The following NUDT17 variants were observed in gnomAD, a reference collection of about 807,000 sequenced individuals.
NUDT17 encodes m7GpppN-mRNA hydrolase NUDT17.
NUDT17 carries 38 observed loss-of-function variants against 38.6 expected under a neutral mutation model. The ratio of observed to expected loss-of-function variants is 0.98; its 90% CI spans 0.76 to 1.29. The LOEUF is 1.29. NUDT17 is among the 50% of genes most tolerant of loss of function. The probability of loss-of-function intolerance (pLI) is 0.00; values close to 1 mark genes in which losing one functional copy is unlikely to be tolerated. For synonymous variants in NUDT17, 192 were observed against 167.8 expected, an observed-to-expected ratio of 1.14 and a Z score of -1.11; for missense variants, 462 against 415.2, an observed-to-expected ratio of 1.11 and a Z score of -0.98.
At chr1:145,846,929 C>T (rs945191141) in intron 4 of NUDT17, among the ~76,000 whole-genome samples, 1 of 152,220 alleles carries the variant, frequency 6.6e-6, no homozygotes, top group Non-Finnish European at 1.5e-5. Flanking sequence ...CGGTGGCTCA[C>T]GCCTGTAATC....
At chr1:145,847,466 G>T in intron 5 of NUDT17, 117 bp from the exon 6 acceptor site, 1 of 1,461,242 alleles carries the variant, frequency 6.8e-7, no homozygotes, top group Non-Finnish European at 9.5e-7. Context: ...CGAAGAATAT[G>T]CAATGCCCTT....
In NUDT17 at chr1:145,848,220, T is replaced by G. The variant is rs1448931024; in HGVS notation, c.840T>G (p.Thr280=). 6.2e-7 allele frequency: 1 copy of G among 1,614,204 alleles called. No individual in the cohort carries two copies. The highest frequency in any genetic ancestry group is 2.2e-5 in the East Asian group (1 of 44,880). The change falls in exon 7 of 8, where the codon ACT becomes ACG. Residue 280 remains threonine (T), a synonymous_variant. Transcript: ENST00000334513. ...TMAEDKERVS[T]GTKFALKLWL... Reference sequence around the variant, plus strand: ...CAGAGGACAAAGAGAGAGTCAGCACTGGAACCAAGTTTGCCCTCAAGCTCT... The same window carrying G: ...CAGAGGACAAAGAGAGAGTCAGCACGGGAACCAAGTTTGCCCTCAAGCTCT...
chr1:145,847,396 C>T (rs1553732834), intron 5 of NUDT17, 48 bp downstream of exon 5: 1 of 1,003,046 alleles, frequency 1.0e-6, no homozygotes, highest in Non-Finnish European at 1.5e-6. Flanking sequence ...GGAGCCCAAG[C>T]AACCTGGTTC....
rs1188352424 is a variant in NUDT17 at position 145,847,680 on chromosome 1, C to T, written c.692C>T (p.Thr231Ile). 22 of 1,613,932 alleles carry T rather than the reference C, an allele frequency of 1.4e-5. No individual in the cohort carries two copies. The highest frequency in any genetic ancestry group is 1.9e-5 in the Non-Finnish European group (22 of 1,179,996). The stretch of plus-strand genomic sequence containing the variant: ...GCTGCCGCAGAGGATGGGACAGAGA[C>T]ACCCGGACTTCTCCCCCAGGACCTA... The part of the protein sequence containing the change: ...AVAAAEDGTE[T>I]PGLLPQDLPP... The change falls in exon 6 of 8, where the codon ACA becomes ATA. Residue 231 changes from threonine (T) to isoleucine (I), a missense_variant. Thr to Ile is a moderately conservative substitution (Grantham distance 89). Transcript: ENST00000334513.
chr1:145,848,298 T>C (rs781891350), intron 7 of NUDT17, 34 bp downstream of exon 7: 1 of 1,613,670 alleles, frequency 6.2e-7, no homozygotes, highest in Admixed American at 1.7e-5. Flanking sequence ...AGCTCCACAG[T>C]ACTGGGCTGG....
chr1:145,847,278 G>C lies in NUDT17; in HGVS notation c.524G>C (p.Gly175Ala). ...GCCTACCCTCCTAGGCTGAGCTGGG[G>C]TTTACCCAAATACCATCACATTGTT... The part of the protein sequence containing the change: ...ESAYPPRLSW[G>A]LPKYHHIVLY... Residue 175 changes from glycine (G) to alanine (A), a missense_variant, in exon 5 of 8, where the codon GGT becomes GCT. Transcript: ENST00000334513. 1 of 1,610,640 alleles carries C rather than the reference G, an allele frequency of 6.2e-7. No homozygotes were observed.
At position 145,848,123 on chromosome 1, in the gene NUDT17, T is replaced by C. The variant is rs1553733087; in HGVS notation, c.743T>C (p.Leu248Pro). ...TTGTCACCATGCAGTGCAGTGGAAC[T>C]AGAGGAGGATGGAAGAGCCCGACCT... ...DLPPSVLAVE[L>P]EEDGRARPLV... The change falls in exon 7 of 8, where the codon CTA (leucine) becomes CCA (proline). Residue 248 changes from leucine to proline, a missense_variant. Coordinates refer to ENST00000334513, the MANE Select transcript of NUDT17 (RefSeq NM_001012758.3). 5.0e-6 allele frequency: 8 copies of C among 1,613,608 alleles called. No homozygotes were observed. Among genetic ancestry groups the C allele is most frequent in the Non-Finnish European group, 6.8e-6 (8 of 1,179,938 alleles).
intron 2 of NUDT17, 48 bp downstream of exon 2, chr1:145,846,244 C>A: frequency 1.3e-6 from 2 of 1,535,644 alleles, no homozygotes; most frequent in Non-Finnish European, 1.8e-6. Flanking sequence ...GAAATTTGCC[C>A]TTTCCCCGCA....
In NUDT17 at chr1:145,848,412, A is replaced by G. The variant is rs1652818265; in HGVS notation, c.920A>G (p.Asp307Gly). The G allele has an allele frequency of 2.5e-6, 4 of 1,614,138 alleles. No individual in the cohort carries two copies. The highest frequency in any genetic ancestry group is 2.5e-6 in the Non-Finnish European group (3 of 1,180,012). The change falls in exon 8 of 8, where the codon GAC (aspartate) becomes GGC (glycine). Residue 307 changes from aspartate to glycine, a missense_variant. By Grantham distance (94) the Asp-to-Gly change is moderately conservative (BLOSUM62 -1). Coordinates refer to ENST00000334513, the MANE Select transcript of NUDT17 (RefSeq NM_001012758.3). Reference sequence around the variant, plus strand: ...CCGTGTAAAAGTGCAGCTTACCTGGACCCAGGGCCAGCAAAGGAAGAATGG... The same window carrying G: ...CCGTGTAAAAGTGCAGCTTACCTGGGCCCAGGGCCAGCAAAGGAAGAATGG... ...PPPCKSAAYL[D>G]PGPAKEEWNM...
At chr1:145,848,004 A>C in intron 6 of NUDT17, 108 bp from the exon 7 acceptor site, 1 of 1,333,094 alleles carries the variant, frequency 7.5e-7, no homozygotes, top group South Asian at 1.3e-5. Flanking sequence ...AATGAGGTCA[A>C]CACCCACCCA....
chr1:145,846,463 C>G lies in NUDT17; in HGVS notation c.402+5C>G. 1.2e-6 allele frequency: 2 copies of G among 1,613,176 alleles called. No homozygotes were observed. The highest frequency in any genetic ancestry group is 1.7e-6 in the Non-Finnish European group (2 of 1,179,278). ...CACGTGGAACTTGAGGAGGAGGTAA[C>G]CAGTCAGCTGATCCAACCTGAGCCA... On this transcript the variant is annotated splice_donor_5th_base_variant and intron_variant, in intron 3 of 7. Transcript: ENST00000334513.
In NUDT17 at chr1:145,846,098, T is replaced by C; in HGVS notation, c.278T>C (p.Leu93Pro). Residue 93 changes from leucine to proline, a missense_variant, in exon 2 of 8, where the codon CTG (leucine) becomes CCG (proline). Transcript: ENST00000334513. ...AELPTDRGVD[L>P]GVAVILQSSD... The stretch of plus-strand genomic sequence containing the variant: ...CTGCCCACAGATCGAGGTGTGGACC[T>C]GGGTGTGGCCGTCATTCTGCAGTCC... 6.2e-7 allele frequency: 1 copy of C among 1,603,894 alleles called. No individual in the cohort carries two copies. The highest frequency in any genetic ancestry group is 8.5e-7 in the Non-Finnish European group (1 of 1,175,800).
chr1:145,848,719 AG>A lies in NUDT17; in HGVS notation c.*246del, dbSNP rs3832004. The A allele has an allele frequency of 0.12, 53,156 of 460,784 alleles. 5,894 individuals are homozygous for A. Among genetic ancestry groups the A allele is most frequent in the East Asian group, 0.43 (11,017 of 25,864 alleles). 28.5% of individuals were successfully genotyped at this position (460,784 alleles called of 1,614,324 possible). A position where few individuals can be genotyped will look rare whatever the true frequency, so the allele number is the denominator to read the frequency against. On this transcript the variant is annotated 3_prime_UTR_variant, in exon 8 of 8. Transcript: ENST00000334513. The stretch of plus-strand genomic sequence containing the variant: ...CAGGGCCATGAGCCTCTAGAAGCTT[AG>A]GGGGGAATAAGAAACACTGTGAACT...
chr1:145,846,507 C>CCAT (rs1370786326), intron 3 of NUDT17, 49 bp downstream of exon 3: 1 of 1,607,060 alleles, frequency 6.2e-7, no homozygotes, highest in East Asian at 2.2e-5. Flanking sequence ...ATGCCTGGGA[C>CCAT]CATCTTGGGT....
chr1:145,845,681 C>T lies in NUDT17; in HGVS notation c.41C>T (p.Pro14Leu), dbSNP rs1652608674. Residue 14 changes from proline to leucine, a missense_variant, in exon 1 of 8, where the codon CCG becomes CTG. By Grantham distance (98) the Pro-to-Leu change is moderately conservative. Transcript: ENST00000334513. Reference sequence around the variant, plus strand: ...GTGCAGCTGCTCCTGTCCCGGCGTCCGGAGTCGGTGAGCTTCGCACGGAGT... The same window carrying T: ...GTGCAGCTGCTCCTGTCCCGGCGTCTGGAGTCGGTGAGCTTCGCACGGAGT... ...VRVQLLLSRR[P>L]ESVSFARSVC... is the part of the protein sequence containing the mutation. The T allele has an allele frequency of 6.5e-7, 1 of 1,536,920 alleles. No individual in the cohort carries two copies. The highest frequency in any genetic ancestry group is 8.8e-7 in the Non-Finnish European group (1 of 1,136,336).
Position 145,847,830 on chromosome 1 carries a change from GGA to G in NUDT17, c.731+115_731+116del, listed in dbSNP as rs1215428345. The G allele has an allele frequency of 2.7e-6, 3 of 1,119,444 alleles. No homozygotes were observed. The African/African-American group carries it at 4.6e-5, about 17-fold the overall frequency. 69.3% of individuals were successfully genotyped at this position (1,119,444 alleles called of 1,614,324 possible). Reference sequence around the variant, plus strand: ...ATTTTGTGTTGTGGGGGAGATTTAAGGAGAGTGGGTCAGCTGATAATTAAGAA... The same window carrying G: ...ATTTTGTGTTGTGGGGGAGATTTAAGGAGTGGGTCAGCTGATAATTAAGAA... On this transcript the variant is annotated intron_variant, in intron 6 of 7. Coordinates refer to ENST00000334513, the MANE Select transcript of NUDT17 (RefSeq NM_001012758.3).
rs782516806 is a variant in NUDT17, at chr1:145,847,591, C to A, written c.603C>A (p.Ile201=). ...ACCATGTCTGACCCCAGGCCCGGAT[C>A]CAACCAAACCCAAATGAGGTGAGCG... ...QESQQQLQAR[I]QPNPNEVSAL... is the part of the protein sequence containing the mutation. The change falls in exon 6 of 8, where the codon ATC becomes ATA. Residue 201 remains isoleucine (I), a synonymous_variant. Transcript: ENST00000334513. 5.3e-5 allele frequency: 85 copies of A among 1,613,286 alleles called. No individual in the cohort carries two copies. The highest frequency in any genetic ancestry group is 6.9e-5 in the Non-Finnish European group (82 of 1,180,022).
rs782484110 is a variant in NUDT17 at position 145,847,651 on chromosome 1, A to G, written c.663A>G (p.Ala221=). 11 of 1,614,126 alleles carry G rather than the reference A, an allele frequency of 6.8e-6. No individual in the cohort carries two copies. Among genetic ancestry groups the G allele is most frequent in the Middle Eastern group, 3.3e-4 (2 of 6,056 alleles). ...GGCTGACACCAGATGTAGCTGCTGC[A>G]GTGGCTGCCGCAGAGGATGGGACAG... ...LMWLTPDVAA[A]VAAAEDGTET... The change falls in exon 6 of 8, where the codon GCA becomes GCG. Residue 221 remains alanine (A), a synonymous_variant. Transcript: ENST00000334513.
rs1553732553 is a variant in NUDT17 at position 145,846,594 on chromosome 1, C to G, written c.403-4C>G. 3.1e-6 allele frequency: 5 copies of G among 1,613,968 alleles called. No individual in the cohort carries two copies. Among genetic ancestry groups the G allele is most frequent in the Non-Finnish European group, 4.2e-6 (5 of 1,179,820 alleles). ...CCCTCTGATGTGTCTTCTCTGACTC[C>G]CAGCTGCTGGACGGAGGGCTTCGAG... is the stretch of plus-strand genomic sequence containing the variant. On this transcript the variant is annotated splice_polypyrimidine_tract_variant and splice_region_variant and intron_variant, in intron 3 of 7. Transcript: ENST00000334513.
Sources: gnomAD v4.1 joint callset for allele counts (sites outside exome capture counted in the v4.1 genomes callset) on GRCh38, gnomAD v4.1.1 for gene constraint, MANE v1.5 for transcripts, NCBI Gene and HGNC (gene_info 2026-07-23, HGNC 2026-07-21) for gene names.